Variants in MALT1 observed in about 807,000 individuals in gnomAD.
MALT1 encodes the protein mucosa-associated lymphoid tissue lymphoma translocation protein 1.
Under a neutral mutation model 85.5 loss-of-function variants are expected in MALT1, and 36 were observed. The ratio of observed to expected loss-of-function variants is 0.42; its 90% CI spans 0.32 to 0.56. The LOEUF (loss-of-function observed/expected upper bound fraction) is 0.56, where lower values mean the gene tolerates loss of function less well. MALT1 is among the 20% of genes least tolerant of loss of function. MALT1 has a pLI of 0.10. For synonymous variants in MALT1, 359 were observed against 361.3 expected (o/e 0.99, Z 0.07); for missense variants, 716 against 981.6 (o/e 0.73, Z 3.62).
At position 58,751,911 on chromosome 18, in the gene MALT1, G is replaced by A. The variant is rs1041460549; in HGVS notation, c.*4069G>A. 4.6e-5 allele frequency: 7 copies of A among 152,188 alleles called. No homozygotes were observed. The highest frequency in any genetic ancestry group is 1.0e-4 in the Non-Finnish European group (7 of 68,040). 9.4% of individuals were successfully genotyped at this position (152,188 alleles called of 1,614,324 possible). ...TTAAAACACTATTGTTCCTCATTCA[G>A]TGATGAACAAGTCAAAACGTTTCAG... On this transcript the variant is annotated 3_prime_UTR_variant, in exon 17 of 17. Coordinates refer to ENST00000649217, the MANE Select transcript of MALT1 (RefSeq NM_006785.4).
chr18:58,735,065 ACCC>A (rs58014827), intron 12 of MALT1, 134 bp from the exon 13 acceptor site: 57 of 672,678 alleles, frequency 8.5e-5, no homozygotes, highest in Non-Finnish European at 9.9e-5. Flanking sequence ...CGCTGTCCCC[ACCC>A]CCCCCCAGCC....
intron 2 of MALT1, among the ~76,000 whole-genome samples, chr18:58,683,984 T>C (rs2054360355): frequency 6.6e-6 from 1 of 152,250 alleles, no homozygotes; most frequent in Non-Finnish European, 1.5e-5. Context: ...CAGGCTGGAA[T>C]GCAGTGATAT....
chr18:58,735,683 G>A (rs371568254), intron 13 of MALT1, among the ~76,000 whole-genome samples: 14 of 151,094 alleles, frequency 9.3e-5, no homozygotes, highest in South Asian at 6.3e-4. Flanking sequence ...TGGGTGGGTG[G>A]CATGGAGGGG....
chr18:58,722,706 A>G (rs965795408), intron 9 of MALT1, among the ~76,000 whole-genome samples: 2 of 152,228 alleles, frequency 1.3e-5, no homozygotes, highest in African/African-American at 4.8e-5. Context: ...ATTTTCTCCA[A>G]AAGTCTAGTT....
At chr18:58,693,775 T>G (rs949184251) in intron 2 of MALT1, among the ~76,000 whole-genome samples, 9 of 152,136 alleles carry the variant, frequency 5.9e-5, no homozygotes, top group Non-Finnish European at 4.4e-5. Flanking sequence ...AGGAGTAGAT[T>G]TTGTGTCAGA....
In MALT1 at chr18:58,696,352, T is replaced by C; in HGVS notation, c.377-14T>C. On this transcript the variant is annotated splice_polypyrimidine_tract_variant and intron_variant, in intron 2 of 16. Transcript: ENST00000649217. ...TGTGACTTTAATTTTTTTTTTTTTT[T>C]TTTTTTTTTTTAGGAATAAAGATTA... is the stretch of plus-strand genomic sequence containing the variant. The C allele has an allele frequency of 7.4e-7, 1 of 1,345,628 alleles. No individual in the cohort carries two copies. The allele number at this position is 1,345,628 out of a possible 1,614,324, so 83.4% of individuals were successfully genotyped here. A position where few individuals can be genotyped will look rare whatever the true frequency, so the allele number is the denominator to read the frequency against.
In MALT1 at chr18:58,749,286, C is replaced by CTTAA. The variant is rs1181576194; in HGVS notation, c.*1447_*1450dup. On this transcript the variant is annotated 3_prime_UTR_variant, in exon 17 of 17. Coordinates refer to ENST00000649217, the MANE Select transcript of MALT1 (RefSeq NM_006785.4). ...CTCACACACATTATGAGCTTGAATTCTTAATTCATCCTAGCAAATTCTACC... is the reference window on the plus strand; with the variant it reads ...CTCACACACATTATGAGCTTGAATTCTTAATTAATTCATCCTAGCAAATTCTACC... 4.6e-6 allele frequency: 1 copy of CTTAA among 216,490 alleles called. No individual in the cohort carries two copies. Among genetic ancestry groups the CTTAA allele is most frequent in the Non-Finnish European group, 9.3e-6 (1 of 107,660 alleles). The allele number at this position is 216,490 out of a possible 1,614,324, so 13.4% of individuals were successfully genotyped here. A position where few individuals can be genotyped will look rare whatever the true frequency, so the allele number is the denominator to read the frequency against.
intron 10 of MALT1, 128 bp downstream of exon 10, chr18:58,723,379 CTTA>C (rs2055011163): frequency 8.4e-6 from 5 of 596,604 alleles, no homozygotes; most frequent in Admixed American, 6.9e-5. Flanking sequence ...TTTTATTTTT[CTTA>C]TTAAGATGAT....
chr18:58,722,692 T>G (rs1482098440), intron 9 of MALT1, among the ~76,000 whole-genome samples: 1 of 152,262 alleles, frequency 6.6e-6, no homozygotes, highest in Non-Finnish European at 1.5e-5. Flanking sequence ...TATTCCTTGT[T>G]TAAATTTTCT....
At chr18:58,724,240 T>G (rs1468876283) in intron 10 of MALT1, among the ~76,000 whole-genome samples, 3 of 152,206 alleles carry the variant, frequency 2.0e-5, no homozygotes, top group Non-Finnish European at 2.9e-5. Flanking sequence ...AAGCTTTTTT[T>G]TTCCCCCCAA....
intron 2 of MALT1, chr18:58,690,958 A>G (rs1691629029): frequency 7.3e-6 from 2 of 274,886 alleles, no homozygotes; most frequent in South Asian, 8.5e-5. Context: ...ACAGTCTGAT[A>G]AAGTTGTGTA....
chr18:58,725,977 C>G (rs2055049398), intron 10 of MALT1, among the ~76,000 whole-genome samples: 2 of 152,150 alleles, frequency 1.3e-5, no homozygotes, highest in South Asian at 4.2e-4. Flanking sequence ...AGGAGAATCA[C>G]TTGAACTTGG....
intron 9 of MALT1, among the ~76,000 whole-genome samples, chr18:58,722,026 C>T (rs2054990854): frequency 6.6e-6 from 1 of 152,148 alleles, no homozygotes; most frequent in Non-Finnish European, 1.5e-5. Flanking sequence ...GCTGCACACG[C>T]CCCACTGTCA....
At chr18:58,737,216 A>T (rs2055234861) in intron 13 of MALT1, among the ~76,000 whole-genome samples, 1 of 152,152 alleles carries the variant, frequency 6.6e-6, no homozygotes, top group African/African-American at 2.4e-5. Context: ...ACAGTGGCTC[A>T]TGCCTGTAAT....
Position 58,749,505 on chromosome 18 carries a change from C to T in MALT1, c.*1663C>T, listed in dbSNP as rs2055418117. On this transcript the variant is annotated 3_prime_UTR_variant, in exon 17 of 17. Coordinates refer to ENST00000649217, the MANE Select transcript of MALT1 (RefSeq NM_006785.4). ...TCTCTATGAGACTGAAGCAGGAAGG[C>T]AGAGCATCATCTTGTTCAGCCTCAG... The T allele has an allele frequency of 4.6e-6, 1 of 216,202 alleles. No homozygotes were observed. The highest frequency in any genetic ancestry group is 1.4e-3 in the Middle Eastern group (1 of 704). The allele number at this position is 216,202 out of a possible 1,614,324, so 13.4% of individuals were successfully genotyped here.
chr18:58,710,784 G>A, intron 6 of MALT1, 137 bp from the exon 7 acceptor site: 1 of 608,812 alleles, frequency 1.6e-6, no homozygotes, highest in East Asian at 3.3e-5. Flanking sequence ...TAGTTATATT[G>A]TTCATAGTTG....
At chr18:58,747,352 G>C in intron 16 of MALT1, 53 bp from the exon 17 acceptor site, 1 of 1,125,710 alleles carries the variant, frequency 8.9e-7, no homozygotes, top group Non-Finnish European at 1.3e-6. Flanking sequence ...TTTTCAGATT[G>C]ATATATATTC....
chr18:58,706,568 C>T (rs2054754836), intron 4 of MALT1, among the ~76,000 whole-genome samples: 1 of 152,188 alleles, frequency 6.6e-6, no homozygotes, highest in Non-Finnish European at 1.5e-5. Flanking sequence ...TAAAATTTCC[C>T]TTCTGGCTGA....
chr18:58,676,814 C>T (rs1396353931), intron 1 of MALT1, among the ~76,000 whole-genome samples: 1 of 152,128 alleles, frequency 6.6e-6, no homozygotes. Context: ...CTAGAAAAAA[C>T]AGTGGCCTAT....
Sources: allele counts gnomAD v4.1 joint callset (sites outside exome capture counted in the v4.1 genomes callset), GRCh38; gene constraint gnomAD v4.1.1; transcripts MANE v1.5; gene names NCBI Gene and HGNC (gene_info 2026-07-23, HGNC 2026-07-21).